NLRP13: variants seen among roughly 807,000 people sequenced by gnomAD.
NLRP13 encodes the protein NLR family pyrin domain containing 13.
A neutral mutation model predicts 94.4 loss-of-function variants in NLRP13; 82 were observed. The ratio of observed to expected loss-of-function variants is 0.87; its 90% confidence interval spans 0.73 to 1.04. NLRP13 has a LOEUF of 1.04. Ranked by LOEUF, NLRP13 falls within the 50% of genes least tolerant of loss-of-function variation. The pLI, the probability that NLRP13 is intolerant of heterozygous loss-of-function variation, is 0.00. For synonymous variants in NLRP13, 553 were observed against 464.7 expected (o/e 1.19, Z -2.45); for missense variants, 1,426 against 1,230.8 (o/e 1.16, Z -2.37).
At chr19:55,903,040 TATG>T (rs1408133724) in intron 8 of NLRP13, among the ~76,000 whole-genome samples, 3 of 151,540 alleles carry the variant, frequency 2.0e-5, no homozygotes, top group African/African-American at 4.8e-5. Context: ...CCTATATGTA[TATG>T]ATGTTACAAT....
chr19:55,896,903 C>T (rs1340046995), intron 10 of NLRP13, among the ~76,000 whole-genome samples: 4 of 148,732 alleles, frequency 2.7e-5, no homozygotes, highest in African/African-American at 9.8e-5. Flanking sequence ...TGACATATAA[C>T]TCATCTAACC....
At chr19:55,899,508 A>G (rs367928339) in intron 9 of NLRP13, among the ~76,000 whole-genome samples, 136 of 150,370 alleles carry the variant, frequency 9.0e-4, no homozygotes, top group African/African-American at 2.9e-3. Flanking sequence ...TTGGCCGGGC[A>G]CGGTGGCTCA....
Position 55,898,896 on chromosome 19 carries a change from A to C in NLRP13, c.2831T>G (p.Leu944Arg), listed in dbSNP as rs755534843. 1.2e-6 allele frequency: 2 copies of C among 1,612,214 alleles called. No homozygotes were observed. Among genetic ancestry groups the C allele is most frequent in the Non-Finnish European group, 1.7e-6 (2 of 1,179,572 alleles). Residue 944 changes from leucine (L) to arginine (R), a missense_variant, in exon 10 of 11, where the codon CTG becomes CGG. Transcript: ENST00000342929. ...ATGATTATGGCTGAGGGCATTAGCCAGCTCTCCACAGCCCTCTCTTGTGAA... is the reference window on the plus strand; with the variant it reads ...ATGATTATGGCTGAGGGCATTAGCCCGCTCTCCACAGCCCTCTCTTGTGAA... ...CSFTREGCGE[L>R]ANALSHNHNV...
intron 4 of NLRP13, among the ~76,000 whole-genome samples, chr19:55,914,830 GA>G (rs1478149416): frequency 6.6e-6 from 1 of 152,128 alleles, no homozygotes; most frequent in African/African-American, 2.4e-5. Flanking sequence ...TCTGTTGATG[GA>G]TACCTAGGTT....
intron 10 of NLRP13, among the ~76,000 whole-genome samples, chr19:55,898,451 C>T (rs911522378): frequency 2.0e-5 from 3 of 152,046 alleles, no homozygotes; most frequent in Non-Finnish European, 4.4e-5. Context: ...CTCAGGTGAT[C>T]CGCCCACCTC....
chr19:55,912,851 G>A lies in NLRP13; in HGVS notation c.966C>T (p.Arg322=). ...GCGAGCCATCATCCAAGCTCTCAGAGCGTGACTCAGATATGATTATTTCCT... is the reference window on the plus strand; with the variant it reads ...GCGAGCCATCATCCAAGCTCTCAGAACGTGACTCAGATATGATTATTTCCT... ...GFEEIIISES[R]SESLDDGSPC... The change falls in exon 5 of 11, where the codon CGC becomes CGT. Residue 322 remains arginine (R), a synonymous_variant. Transcript: ENST00000342929. 6.2e-7 allele frequency: 1 copy of A among 1,614,192 alleles called. No homozygotes were observed. Among genetic ancestry groups the A allele is most frequent in the Non-Finnish European group, 8.5e-7 (1 of 1,180,038 alleles).
intron 9 of NLRP13, among the ~76,000 whole-genome samples, chr19:55,899,808 C>G (rs1445349837): frequency 6.6e-6 from 1 of 152,084 alleles, no homozygotes; most frequent in East Asian, 1.9e-4. Flanking sequence ...TGAAGAACGT[C>G]CATATGGCTA....
In NLRP13 at chr19:55,905,119, A is replaced by AAGGTGC; in HGVS notation, c.2448-13_2448-8dup. ...CAAGTTGCATTTCTCCAGGCTGTGGAAGGTGCAGGTGCAAGGTGAGCCTCA... is the reference window on the plus strand; with the variant it reads ...CAAGTTGCATTTCTCCAGGCTGTGGAAGGTGCAGGTGCAGGTGCAAGGTGAGCCTCA... On this transcript the variant is annotated splice_region_variant and splice_polypyrimidine_tract_variant and intron_variant, in intron 7 of 10. Transcript: ENST00000342929. 6.2e-7 allele frequency: 1 copy of AAGGTGC among 1,613,286 alleles called. No individual in the cohort carries two copies. The highest frequency in any genetic ancestry group is 1.1e-5 in the South Asian group (1 of 91,008).
downstream of NLRP13, among the ~76,000 whole-genome samples, chr19:55,892,675 C>A (rs548359477): frequency 6.6e-5 from 10 of 152,274 alleles, no homozygotes; most frequent in African/African-American, 2.2e-4. Flanking sequence ...CCCACCTCGG[C>A]CTCCCAAAGT....
chr19:55,900,275 G>GT (rs1986130777), intron 9 of NLRP13, among the ~76,000 whole-genome samples: 1 of 152,000 alleles, frequency 6.6e-6, no homozygotes, highest in African/African-American at 2.4e-5. Context: ...TTATCAACAG[G>GT]TTTTTTTAAT....
chr19:55,920,051 G>A (rs929761473), intron 4 of NLRP13, among the ~76,000 whole-genome samples: 35 of 152,150 alleles, frequency 2.3e-4, no homozygotes, highest in African/African-American at 6.0e-4. Flanking sequence ...CTGATCTTCC[G>A]CAAAGTCAAT....
intron 10 of NLRP13, among the ~76,000 whole-genome samples, chr19:55,896,820 CAAAAAAAAAAAAA>C (rs3073244): frequency 0.021 from 1,664 of 80,962 alleles, 39 homozygotes; most frequent in African/African-American, 0.063. Flanking sequence ...CTCCATCTCA[CAAAAAAAAAAAAA>C]AAAAAAAAAA....
chr19:55,915,350 C>A (rs1326291278), intron 4 of NLRP13, among the ~76,000 whole-genome samples: 2 of 152,078 alleles, frequency 1.3e-5, no homozygotes, highest in Non-Finnish European at 2.9e-5. Flanking sequence ...GTAATCCCAG[C>A]ACTTTGGGAG....
chr19:55,924,052 A>G (rs1986909133), intron 3 of NLRP13, 73 bp from the exon 4 acceptor site: 1 of 1,164,830 alleles, frequency 8.6e-7, no homozygotes, highest in African/African-American at 1.5e-5. Flanking sequence ...AAAGACTCTC[A>G]GTAGAACCAA....
At position 55,912,529 on chromosome 19, in the gene NLRP13, T is replaced by C. The variant is rs1185327639; in HGVS notation, c.1288A>G (p.Thr430Ala). 1 of 1,614,026 alleles carries C rather than the reference T, an allele frequency of 6.2e-7. No individual in the cohort carries two copies. Among genetic ancestry groups the C allele is most frequent in the African/African-American group, 1.3e-5 (1 of 74,922 alleles). ...GGCTGCTTCAGACAGGAACATACGG[T>C]CCAACACACCATGGGGGCACTGCAG... ...HSCSAPMVCW[T>A]VCSCLKQPKV... is the part of the protein sequence containing the mutation. Residue 430 changes from threonine (T) to alanine (A), a missense_variant, in exon 5 of 11, where the codon ACC (threonine) becomes GCC (alanine). By Grantham distance (58) the Thr-to-Ala change is moderately conservative. Transcript: ENST00000342929.
intron 10 of NLRP13, among the ~76,000 whole-genome samples, chr19:55,898,144 A>G (rs1986062535): frequency 1.3e-5 from 2 of 152,110 alleles, no homozygotes; most frequent in South Asian, 4.1e-4. Context: ...AACAAGAGTA[A>G]AACACTTCTC....
intron 1 of NLRP13, 62 bp from the exon 2 acceptor site, chr19:55,925,097 T>C (rs1986937082): frequency 6.9e-7 from 1 of 1,454,390 alleles, no homozygotes; most frequent in South Asian, 1.1e-5. Flanking sequence ...CCAGCAATAA[T>C]GGAGTCTCTC....
intron 9 of NLRP13, among the ~76,000 whole-genome samples, chr19:55,899,383 T>C (rs1245030740): frequency 6.6e-6 from 1 of 152,024 alleles, no homozygotes; most frequent in Non-Finnish European, 1.5e-5. Flanking sequence ...GGTGACTATT[T>C]GGAGAAAATA....
At chr19:55,902,276 T>G (rs1986207622) in intron 8 of NLRP13, 71 bp from the exon 9 acceptor site, 1 of 1,379,460 alleles carries the variant, frequency 7.2e-7, no homozygotes, top group African/African-American at 1.5e-5. Flanking sequence ...GAACAGAGCC[T>G]CAGGGCCCCC....
Sources: allele counts gnomAD v4.1 joint callset (sites outside exome capture counted in the v4.1 genomes callset), GRCh38; gene constraint gnomAD v4.1.1; transcripts MANE v1.5; gene names NCBI Gene and HGNC (gene_info 2026-07-23, HGNC 2026-07-21).